CNTNAP2: variants seen among roughly 807,000 people sequenced by gnomAD.
The protein encoded by CNTNAP2 is contactin-associated protein-like 2.
A neutral mutation model predicts 155.2 loss-of-function variants in CNTNAP2; 98 were observed. That is an observed-to-expected ratio of 0.63 (90% confidence interval 0.54 to 0.75). The LOEUF (loss-of-function observed/expected upper bound fraction) is 0.75. CNTNAP2 is among the 30% of genes least tolerant of loss of function. CNTNAP2 has a pLI of 0.00. For synonymous variants in CNTNAP2, 651 were observed against 631.2 expected (o/e 1.03, Z -0.47); for missense variants, 1,727 against 1,688.1 (o/e 1.02, Z -0.40).
intron 10 of CNTNAP2, among the ~76,000 whole-genome samples, chr7:147,435,482 T>C (rs1797534936): frequency 6.6e-6 from 1 of 152,226 alleles, no homozygotes; most frequent in South Asian, 2.1e-4. Flanking sequence ...GATCTGAGAC[T>C]ATATATCCAT....
At chr7:147,663,361 T>C (rs1043403209) in intron 13 of CNTNAP2, among the ~76,000 whole-genome samples, 11 of 152,220 alleles carry the variant, frequency 7.2e-5, no homozygotes, top group Non-Finnish European at 1.3e-4. Flanking sequence ...GCAAAGTTGT[T>C]AGAAAAAGAT....
chr7:147,707,122 A>G (rs899574230), intron 13 of CNTNAP2, among the ~76,000 whole-genome samples: 4 of 152,168 alleles, frequency 2.6e-5, no homozygotes, highest in Non-Finnish European at 5.9e-5. Flanking sequence ...AGGATTTCAT[A>G]AACTTACTTT....
At chr7:146,350,977 A>G (rs1386659121) in intron 1 of CNTNAP2, among the ~76,000 whole-genome samples, 2 of 143,098 alleles carry the variant, frequency 1.4e-5, no homozygotes, top group Non-Finnish European at 3.0e-5. Context: ...GAAATTGAAC[A>G]ATGAGAGCAC....
Position 147,206,420 on chromosome 7 carries a change from AG to A in CNTNAP2, c.1348+73913del, listed in dbSNP as rs1430363766. ...TCTACTAAAAATACAAAATTTAGCC[AG>A]GCATGGTGGTGTATGCCTGTAATCC... On this transcript the variant is annotated intron_variant, in intron 8 of 23. Coordinates refer to ENST00000361727, the MANE Select transcript of CNTNAP2 (RefSeq NM_014141.6). Among the ~76,000 whole-genome samples, 5 of 152,194 alleles carry A rather than the reference AG, an allele frequency of 3.3e-5. No individual in the cohort carries two copies. In the East Asian group the frequency reaches 9.7e-4, roughly 29 times the overall value.
intron 3 of CNTNAP2, among the ~76,000 whole-genome samples, chr7:146,909,027 C>G (rs995622988): frequency 4.0e-5 from 6 of 151,278 alleles, no homozygotes; most frequent in Non-Finnish European, 7.4e-5. Flanking sequence ...ACAAACACCT[C>G]TACGCAAATA....
At chr7:147,201,030 C>T (rs1802911095) in intron 8 of CNTNAP2, among the ~76,000 whole-genome samples, 2 of 152,130 alleles carry the variant, frequency 1.3e-5, no homozygotes, top group African/African-American at 4.8e-5. Context: ...GAAACACTGG[C>T]TTAATCACCG....
intron 9 of CNTNAP2, among the ~76,000 whole-genome samples, chr7:147,326,068 G>A (rs369298839): frequency 5.1e-4 from 78 of 152,094 alleles, no homozygotes; most frequent in African/African-American, 1.2e-3. Flanking sequence ...GACGACAAGC[G>A]CACGCCACCA....
intron 3 of CNTNAP2, among the ~76,000 whole-genome samples, chr7:146,995,896 T>C (rs1201413248): frequency 6.6e-6 from 1 of 152,144 alleles, no homozygotes; most frequent in Non-Finnish European, 1.5e-5. Flanking sequence ...TTGTCTATTT[T>C]TTTGCATTTG....
At chr7:146,940,694 T>C (rs889449255) in intron 3 of CNTNAP2, among the ~76,000 whole-genome samples, 9 of 125,710 alleles carry the variant, frequency 7.2e-5, no homozygotes, top group Non-Finnish European at 1.6e-4. Context: ...AATATATATA[T>C]ATACACACAC....
intron 13 of CNTNAP2, among the ~76,000 whole-genome samples, chr7:147,763,134 C>T (rs1344068371): frequency 6.6e-6 from 1 of 152,020 alleles, no homozygotes; most frequent in Admixed American, 6.6e-5. Flanking sequence ...AGGCGCATGC[C>T]TGTAATCCCA....
chr7:148,095,178 A>T (rs1803936435), intron 15 of CNTNAP2, among the ~76,000 whole-genome samples: 1 of 152,176 alleles, frequency 6.6e-6, no homozygotes, highest in Non-Finnish European at 1.5e-5. Context: ...AGAGACCCAC[A>T]GAAACGCCAG....
At chr7:146,592,440 G>T (rs1391708756) in intron 1 of CNTNAP2, among the ~76,000 whole-genome samples, 1 of 152,186 alleles carries the variant, frequency 6.6e-6, no homozygotes, top group Non-Finnish European at 1.5e-5. Flanking sequence ...TTTCCTGCCT[G>T]CTCCAGAGTC....
At chr7:146,348,129 G>A (rs906328864) in intron 1 of CNTNAP2, among the ~76,000 whole-genome samples, 2 of 151,980 alleles carry the variant, frequency 1.3e-5, no homozygotes, top group Non-Finnish European at 2.9e-5. Context: ...TAATAAATAC[G>A]AAGCCACAGG....
chr7:148,301,903 G>C (rs1294857540), intron 21 of CNTNAP2, among the ~76,000 whole-genome samples: 1 of 152,214 alleles, frequency 6.6e-6, no homozygotes, highest in Non-Finnish European at 1.5e-5. Context: ...GAGACACCTG[G>C]CCTATCCACA....
intron 1 of CNTNAP2, among the ~76,000 whole-genome samples, chr7:146,215,254 T>C (rs768593944): frequency 4.6e-5 from 7 of 152,176 alleles, no homozygotes; most frequent in Non-Finnish European, 8.8e-5. Flanking sequence ...TCATACAAAA[T>C]AATACTTGCG....
chr7:148,385,350 G>A (rs533176451), intron 22 of CNTNAP2, among the ~76,000 whole-genome samples: 274 of 152,284 alleles, frequency 1.8e-3, no homozygotes, highest in Non-Finnish European at 3.2e-3. Context: ...CTTGAACAAA[G>A]GAAAGCATTC....
At chr7:146,471,165 T>C (rs1796792191) in intron 1 of CNTNAP2, among the ~76,000 whole-genome samples, 1 of 152,204 alleles carries the variant, frequency 6.6e-6, no homozygotes, top group Admixed American at 6.5e-5. Flanking sequence ...GTGGATCTGA[T>C]AAAAATCTTA....
At chr7:146,302,588 G>C (rs1305472854) in intron 1 of CNTNAP2, among the ~76,000 whole-genome samples, 2 of 152,108 alleles carry the variant, frequency 1.3e-5, no homozygotes, top group Non-Finnish European at 2.9e-5. Context: ...ACAATATTGC[G>C]TATCTAAAAC....
chr7:148,298,689 T>G, intron 21 of CNTNAP2, among the ~76,000 whole-genome samples: 1 of 152,102 alleles, frequency 6.6e-6, no homozygotes, highest in East Asian at 1.9e-4. Flanking sequence ...CACAGACATA[T>G]ATACATATAT....
Sources: gnomAD v4.1 joint callset for allele counts (sites outside exome capture counted in the v4.1 genomes callset) on GRCh38, gnomAD v4.1.1 for gene constraint, MANE v1.5 for transcripts, NCBI Gene and HGNC (gene_info 2026-07-23, HGNC 2026-07-21) for gene names.